The following ARHGAP25 variants were observed in gnomAD, a reference collection of about 807,000 sequenced individuals.
ARHGAP25 encodes the protein Rho GTPase activating protein 25.
In ARHGAP25, 34 loss-of-function variants were observed where a neutral mutation model predicts 71.0. The observed-to-expected ratio is 0.48, with a 90% CI of 0.36 to 0.64. The LOEUF (loss-of-function observed/expected upper bound fraction) is 0.64, where lower values mean the gene tolerates loss of function less well. ARHGAP25 is among the 30% of genes least tolerant of loss of function. The probability of loss-of-function intolerance (pLI) is 0.00; values close to 1 mark genes in which losing one functional copy is unlikely to be tolerated. For synonymous variants in ARHGAP25, 282 were observed against 296.5 expected (o/e 0.95, Z 0.50); for missense variants, 706 against 805.1 (o/e 0.88, Z 1.49).
At chr2:68,818,505 T>G (rs1008655845) in intron 8 of ARHGAP25, among the ~76,000 whole-genome samples, 14 of 152,142 alleles carry the variant, frequency 9.2e-5, no homozygotes, top group Admixed American at 7.2e-4. Context: ...TTTTTGTAAT[T>G]TTAGTAGAGA....
chr2:68,747,211 T>C (rs914870823), intron 1 of ARHGAP25, among the ~76,000 whole-genome samples: 9 of 152,132 alleles, frequency 5.9e-5, no homozygotes, highest in Non-Finnish European at 1.3e-4. Context: ...TCCTTGACAC[T>C]GTGCCCCCTG....
chr2:68,797,760 A>G (rs1257420255), intron 4 of ARHGAP25, among the ~76,000 whole-genome samples: 1 of 152,182 alleles, frequency 6.6e-6, no homozygotes, highest in African/African-American at 2.4e-5. Context: ...GTTCCATATC[A>G]TAGTCTTCTT....
intron 2 of ARHGAP25, among the ~76,000 whole-genome samples, chr2:68,712,325 G>A (rs1385051010): frequency 2.0e-5 from 3 of 152,156 alleles, no homozygotes. Flanking sequence ...TTTGATAAGT[G>A]TCTGTTCATA....
At chr2:68,825,490 G>A (rs552245415) in intron 10 of ARHGAP25, among the ~76,000 whole-genome samples, 15 of 152,156 alleles carry the variant, frequency 9.9e-5, no homozygotes, top group African/African-American at 3.4e-4. Flanking sequence ...AGGGGGCTGG[G>A]TGTGGTGGTT....
At chr2:68,757,425 T>C (rs1676550025) in intron 1 of ARHGAP25, among the ~76,000 whole-genome samples, 1 of 152,170 alleles carries the variant, frequency 6.6e-6, no homozygotes, top group South Asian at 2.1e-4. Flanking sequence ...CTGATTTGTC[T>C]CATACAAGGA....
At chr2:68,727,432 A>G (rs149669078) in intron 2 of ARHGAP25, among the ~76,000 whole-genome samples, 129 of 152,308 alleles carry the variant, frequency 8.5e-4, no homozygotes, top group African/African-American at 3.1e-3. Context: ...CCAGGAATGT[A>G]AAGGTTTGTG....
At chr2:68,738,241 T>C (rs2104283681) in intron 1 of ARHGAP25, among the ~76,000 whole-genome samples, 1 of 151,822 alleles carries the variant, frequency 6.6e-6, no homozygotes, top group South Asian at 2.1e-4. Context: ...TTGTCATCAC[T>C]GGAGGACAGG....
chr2:68,807,413 G>C lies in ARHGAP25; in HGVS notation c.607G>C (p.Gly203Arg). The C allele has an allele frequency of 6.2e-7, 1 of 1,614,252 alleles. No homozygotes were observed. The highest frequency in any genetic ancestry group is 8.5e-7 in the Non-Finnish European group (1 of 1,180,046). Reference sequence around the variant, plus strand: ...TGAAGAGGGCATCTTCCGTCTGCCTGGGCAGGACAACCTGGTGAAGCAGCT... The same window carrying C: ...TGAAGAGGGCATCTTCCGTCTGCCTCGGCAGGACAACCTGGTGAAGCAGCT... ...RNEEGIFRLP[G>R]QDNLVKQLRD... The change falls in exon 5 of 11, where the codon GGG becomes CGG. Residue 203 changes from glycine to arginine, a missense_variant. Transcript: ENST00000409202.
chr2:68,752,043 A>G (rs1209323105), intron 1 of ARHGAP25, among the ~76,000 whole-genome samples: 1 of 152,218 alleles, frequency 6.6e-6, no homozygotes, highest in Non-Finnish European at 1.5e-5. Flanking sequence ...CGAATAGTTG[A>G]TTGAATTTTA....
At chr2:68,782,867 G>A (rs1182931182) in intron 3 of ARHGAP25, among the ~76,000 whole-genome samples, 1 of 152,208 alleles carries the variant, frequency 6.6e-6, no homozygotes. Context: ...GGAACAAGGG[G>A]AGTTTGGGTC....
chr2:68,769,805 G>T (rs1301914729), intron 1 of ARHGAP25, among the ~76,000 whole-genome samples: 1 of 151,818 alleles, frequency 6.6e-6, no homozygotes, highest in Non-Finnish European at 1.5e-5. Context: ...GGTGGGGGTG[G>T]GTAGGGAGGA....
intron 4 of ARHGAP25, among the ~76,000 whole-genome samples, chr2:68,803,996 G>A (rs11126199): frequency 0.31 from 46,823 of 151,948 alleles, 8,315 homozygotes; most frequent in East Asian, 0.51. Flanking sequence ...ATGAAGACAC[G>A]CAAAGGGTAG....
At chr2:68,745,127 G>C (rs901439094) in intron 1 of ARHGAP25, among the ~76,000 whole-genome samples, 2 of 152,144 alleles carry the variant, frequency 1.3e-5, no homozygotes, top group African/African-American at 4.8e-5. Context: ...TCACTTCTTT[G>C]ACTTTGGGCA....
chr2:68,818,390 C>T (rs553457674), intron 8 of ARHGAP25, among the ~76,000 whole-genome samples: 16 of 152,238 alleles, frequency 1.1e-4, no homozygotes, highest in South Asian at 2.1e-4. Flanking sequence ...TGCAGTGGTG[C>T]AAACTTAGCT....
At chr2:68,788,219 A>G (rs976263869) in intron 4 of ARHGAP25, among the ~76,000 whole-genome samples, 1 of 152,222 alleles carries the variant, frequency 6.6e-6, no homozygotes, top group Non-Finnish European at 1.5e-5. Flanking sequence ...TTTTGCAGTG[A>G]GTAAATGTGT....
At chr2:68,717,552 A>G (rs546025899) in intron 2 of ARHGAP25, among the ~76,000 whole-genome samples, 2 of 152,358 alleles carry the variant, frequency 1.3e-5, no homozygotes, top group East Asian at 3.9e-4. Flanking sequence ...GGTGTTAGGT[A>G]AAAACTGCAG....
At chr2:68,819,073 A>T (rs926018697) in intron 8 of ARHGAP25, 50 bp from the exon 9 acceptor site, 16 of 1,469,480 alleles carry the variant, frequency 1.1e-5, no homozygotes. Flanking sequence ...TTGAGGACTG[A>T]CTACCTGCCT....
chr2:68,772,330 ACTCC>A (rs1178796807), intron 1 of ARHGAP25, among the ~76,000 whole-genome samples: 1 of 151,650 alleles, frequency 6.6e-6, no homozygotes, highest in Non-Finnish European at 1.5e-5. Flanking sequence ...ACTTCCCCTC[ACTCC>A]TGAGTTGGCT....
intron 1 of ARHGAP25, among the ~76,000 whole-genome samples, chr2:68,755,360 C>G (rs576767807): frequency 2.1e-4 from 32 of 152,240 alleles, no homozygotes; most frequent in African/African-American, 7.5e-4. Flanking sequence ...TCTTTTATCA[C>G]TCAGAGAAAA....
Sources: gnomAD v4.1 joint callset for allele counts (sites outside exome capture counted in the v4.1 genomes callset) on GRCh38, gnomAD v4.1.1 for gene constraint, MANE v1.5 for transcripts, NCBI Gene and HGNC (gene_info 2026-07-23, HGNC 2026-07-21) for gene names.